VDAC1: variants seen among roughly 807,000 people sequenced by gnomAD.
VDAC1 encodes non-selective voltage-gated ion channel VDAC1.
In VDAC1, 10 loss-of-function variants were observed where a neutral mutation model predicts 34.7. The observed-to-expected ratio is 0.29, with a 90% CI of 0.18 to 0.49. The LOEUF is 0.49. VDAC1 is among the 20% of genes least tolerant of loss of function. The pLI is 0.99. For missense variants in VDAC1, 230 were observed against 347.9 expected, an observed-to-expected ratio of 0.66 and a Z score of 2.69; for synonymous variants, 130 against 136.0, an observed-to-expected ratio of 0.96 and a Z score of 0.30.
At chr5:134,013,830 T>A in the VDAC1 span, among the ~76,000 whole-genome samples, 1 of 152,008 alleles carries the variant, frequency 6.6e-6, no homozygotes. Flanking sequence ...TAATCCCAGC[T>A]ACTCGGGAGG....
chr5:134,054,957 G>A, the VDAC1 span, among the ~76,000 whole-genome samples: 9 of 152,336 alleles, frequency 5.9e-5, no homozygotes, highest in East Asian at 1.7e-3. Flanking sequence ...TCAGAGGTCC[G>A]TCCCCACCCA....
chr5:134,034,699 A>G, the VDAC1 span, among the ~76,000 whole-genome samples: 1 of 152,124 alleles, frequency 6.6e-6, no homozygotes, highest in African/African-American at 2.4e-5. Flanking sequence ...GCCCTGGGAC[A>G]CTAATGCAAG....
chr5:133,993,127 C>G, intron 1 of VDAC1, 109 bp from the exon 2 acceptor site: 15 of 1,135,076 alleles, frequency 1.3e-5, no homozygotes, highest in Non-Finnish European at 1.9e-5. Context: ...TCACCTAGCA[C>G]TAAGACTACC....
At chr5:134,033,916 C>T in the VDAC1 span, among the ~76,000 whole-genome samples, 9 of 151,730 alleles carry the variant, frequency 5.9e-5, no homozygotes, top group Non-Finnish European at 1.0e-4. Context: ...GGCATGAACC[C>T]GGGAGGCGGA....
the VDAC1 span, among the ~76,000 whole-genome samples, chr5:134,010,198 T>A: frequency 6.6e-6 from 1 of 152,180 alleles, no homozygotes; most frequent in South Asian, 2.1e-4. Context: ...GTATGGGGAA[T>A]GCCTGCTGCA....
chr5:134,102,125 C>G, the VDAC1 span, among the ~76,000 whole-genome samples: 1 of 151,758 alleles, frequency 6.6e-6, no homozygotes, highest in Non-Finnish European at 1.5e-5. Flanking sequence ...ACTTCCCACT[C>G]CTGCAGTTGA....
chr5:133,973,967 A>G, intron 7 of VDAC1, 119 bp from the exon 8 acceptor site: 2 of 814,208 alleles, frequency 2.5e-6, no homozygotes, highest in Non-Finnish European at 4.0e-6. Context: ...ATTTTTCATG[A>G]CCACCTTGTT....
chr5:134,073,094 C>A, the VDAC1 span, among the ~76,000 whole-genome samples: 2 of 152,192 alleles, frequency 1.3e-5, no homozygotes, highest in African/African-American at 4.8e-5. Context: ...GCTGGAACAT[C>A]TGACCCGGCA....
At chr5:134,042,099 T>A in the VDAC1 span, among the ~76,000 whole-genome samples, 1 of 152,246 alleles carries the variant, frequency 6.6e-6, no homozygotes, top group African/African-American at 2.4e-5. Flanking sequence ...CAGAACCCCT[T>A]GTGGCAATGC....
intron 1 of VDAC1, among the ~76,000 whole-genome samples, chr5:133,997,113 G>A (rs1753345346): frequency 6.6e-6 from 1 of 152,182 alleles, no homozygotes; most frequent in Non-Finnish European, 1.5e-5. Flanking sequence ...ATAATATCCA[G>A]TGTCAGTGAG....
the VDAC1 span, among the ~76,000 whole-genome samples, chr5:134,033,080 GAGAGAGAGGAGAGGGAAAA>G: frequency 6.6e-6 from 1 of 151,276 alleles, no homozygotes; most frequent in African/African-American, 2.4e-5. Context: ...GAGAGGAAAC[GAGAGAGAGGAGAGGGAAAA>G]AGAGAAAGAA....
chr5:134,039,515 AGAC>A, the VDAC1 span, among the ~76,000 whole-genome samples: 12 of 75,534 alleles, frequency 1.6e-4, no homozygotes, highest in Non-Finnish European at 3.5e-4. Context: ...TTTTTAGTAG[AGAC>A]GGGGGTTTCA....
chr5:134,009,157 T>A (rs1202309081), upstream of VDAC1, among the ~76,000 whole-genome samples: 2 of 151,976 alleles, frequency 1.3e-5, no homozygotes, highest in Non-Finnish European at 2.9e-5. Context: ...CTATGATTTT[T>A]AAGAATTTTG....
At chr5:133,974,960 A>T (rs1461308287) in intron 7 of VDAC1, among the ~76,000 whole-genome samples, 1 of 146,904 alleles carries the variant, frequency 6.8e-6, no homozygotes, top group Non-Finnish European at 1.5e-5. Flanking sequence ...GTCTCAAAAA[A>T]AAAAACAAAC....
At chr5:134,084,437 T>C in the VDAC1 span, among the ~76,000 whole-genome samples, 1 of 152,230 alleles carries the variant, frequency 6.6e-6, no homozygotes, top group Non-Finnish European at 1.5e-5. Context: ...AGCCAGACCC[T>C]GGAACTGGCC....
the VDAC1 span, among the ~76,000 whole-genome samples, chr5:134,022,676 G>A: frequency 6.6e-6 from 1 of 152,222 alleles, no homozygotes; most frequent in African/African-American, 2.4e-5. Flanking sequence ...AGCACTACGA[G>A]GATGGGGGTG....
At chr5:134,028,356 C>T in the VDAC1 span, among the ~76,000 whole-genome samples, 1 of 152,052 alleles carries the variant, frequency 6.6e-6, no homozygotes, top group Non-Finnish European at 1.5e-5. Context: ...TGGTCTCGAA[C>T]TCCTGACCTC....
At chr5:134,094,554 G>A in the VDAC1 span, among the ~76,000 whole-genome samples, 12 of 152,198 alleles carry the variant, frequency 7.9e-5, no homozygotes, top group South Asian at 6.2e-4. Context: ...AAAATTAGCC[G>A]AGCGTGGCGG....
At chr5:134,038,234 G>A in the VDAC1 span, among the ~76,000 whole-genome samples, 2 of 152,198 alleles carry the variant, frequency 1.3e-5, no homozygotes, top group African/African-American at 2.4e-5. Flanking sequence ...ATTAGGAAAG[G>A]CCTCTGACAT....
Sources: allele counts gnomAD v4.1 joint callset (sites outside exome capture counted in the v4.1 genomes callset), GRCh38; gene constraint gnomAD v4.1.1; transcripts MANE v1.5; gene names NCBI Gene and HGNC (gene_info 2026-07-23, HGNC 2026-07-21).